Variants in MYO16 observed in about 807,000 individuals in gnomAD.
MYO16 encodes the protein myosin XVI.
In MYO16, 94 loss-of-function variants were observed where a neutral mutation model predicts 205.3. The observed-to-expected ratio is 0.46, with a 90% CI of 0.39 to 0.54. MYO16 has a LOEUF of 0.54. MYO16 is among the 20% of genes least tolerant of loss of function. MYO16 has a pLI of 0.00. For synonymous variants in MYO16, 988 were observed against 954.0 expected (o/e 1.04, Z -0.66); for missense variants, 2,315 against 2,387.5 (o/e 0.97, Z 0.63).
chr13:108,566,729 G>A, the MYO16 span, among the ~76,000 whole-genome samples: 4 of 127,616 alleles, frequency 3.1e-5, no homozygotes, highest in East Asian at 6.7e-4. Flanking sequence ...AAGGAAGGAA[G>A]GAAGGGAGGA....
At chr13:108,500,525 G>A in the MYO16 span, among the ~76,000 whole-genome samples, 1 of 151,998 alleles carries the variant, frequency 6.6e-6, no homozygotes, top group African/African-American at 2.4e-5. Context: ...ACCACGCCCG[G>A]ACTTGATTAC....
chr13:108,755,100 G>C (rs1382132687), intron 4 of MYO16, among the ~76,000 whole-genome samples: 1 of 152,064 alleles, frequency 6.6e-6, no homozygotes, highest in African/African-American at 2.4e-5. Context: ...AGCAGACATA[G>C]ACTGGGAGAG....
intron 6 of MYO16, among the ~76,000 whole-genome samples, chr13:108,805,559 TTC>T (rs1887087975): frequency 6.6e-6 from 1 of 152,144 alleles, no homozygotes; most frequent in South Asian, 2.1e-4. Flanking sequence ...AGGTTTTTTT[TTC>T]TTTCTTTTCT....
In MYO16 at chr13:108,607,827, C is replaced by T. The variant is rs112138204; in HGVS notation, c.-39+11588C>T. 5.4e-3 allele frequency among the ~76,000 whole-genome samples: 816 copies of T among 152,272 alleles called. 2 individuals carry two copies. The highest frequency in any genetic ancestry group is 9.4e-3 in the Non-Finnish European group (637 of 68,024). On this transcript the variant is annotated intron_variant, in intron 1 of 24. Transcript: ENST00000251041. ...GCCAGCCAATAACACAAGGGAGCTA[C>T]GTGCCCTGTCACCCTCTACAGTCCT...
intron 21 of MYO16, among the ~76,000 whole-genome samples, chr13:109,006,113 C>G (rs1885380030): frequency 6.6e-6 from 1 of 152,170 alleles, no homozygotes; most frequent in African/African-American, 2.4e-5. Context: ...ACCAGAACAT[C>G]TAGAAGGAGC....
At chr13:108,665,864 G>A (rs55718090) in intron 1 of MYO16, 22 bp from the exon 2 acceptor site, 64,591 of 1,606,616 alleles carry the variant, frequency 0.04, 1,498 homozygotes, top group Middle Eastern at 0.088. Flanking sequence ...GTCTGGTGAC[G>A]CTCCCCTTGC....
At chr13:108,741,144 C>T (rs895243985) in intron 4 of MYO16, among the ~76,000 whole-genome samples, 2 of 152,164 alleles carry the variant, frequency 1.3e-5, no homozygotes, top group Admixed American at 6.5e-5. Flanking sequence ...CACTGTCCTG[C>T]ACCCACCATC....
chr13:108,659,964 T>C (rs1881429952), intron 1 of MYO16, among the ~76,000 whole-genome samples: 1 of 152,208 alleles, frequency 6.6e-6, no homozygotes. Context: ...GAGCCGTGTG[T>C]GGTGGTAAAT....
chr13:108,768,040 G>T (rs767880689), intron 4 of MYO16, among the ~76,000 whole-genome samples: 13 of 152,182 alleles, frequency 8.5e-5, no homozygotes, highest in Admixed American at 2.0e-4. Flanking sequence ...GCAAATGGAA[G>T]CATAGAGTGA....
chr13:108,693,223 G>A (rs1342329636), intron 2 of MYO16, among the ~76,000 whole-genome samples: 1 of 152,102 alleles, frequency 6.6e-6, no homozygotes, highest in African/African-American at 2.4e-5. Flanking sequence ...TCTTTATGGT[G>A]GTAAAAGACA....
chr13:108,524,689 G>A, the MYO16 span, among the ~76,000 whole-genome samples: 1 of 152,030 alleles, frequency 6.6e-6, no homozygotes, highest in African/African-American at 2.4e-5. Flanking sequence ...CCTCACCAGT[G>A]GATTTTACCC....
intron 2 of MYO16, among the ~76,000 whole-genome samples, chr13:108,680,648 T>A (rs1316890065): frequency 6.6e-6 from 1 of 152,212 alleles, no homozygotes; most frequent in Non-Finnish European, 1.5e-5. Flanking sequence ...CTAGTTATTA[T>A]ACACATGGAG....
intron 12 of MYO16, among the ~76,000 whole-genome samples, chr13:108,871,997 A>G (rs1288398767): frequency 6.6e-6 from 1 of 152,236 alleles, no homozygotes; most frequent in Non-Finnish European, 1.5e-5. Flanking sequence ...AGGAGACTAC[A>G]TCTGTTTTTA....
At chr13:109,001,986 A>G (rs9514954) in intron 21 of MYO16, among the ~76,000 whole-genome samples, 7,546 of 152,276 alleles carry the variant, frequency 0.05, 241 homozygotes, top group African/African-American at 0.076. Flanking sequence ...ATACACATAT[A>G]TATTAACTAA....
intron 1 of MYO16, among the ~76,000 whole-genome samples, chr13:108,655,415 C>T (rs922673238): frequency 6.6e-6 from 1 of 152,182 alleles, no homozygotes; most frequent in South Asian, 2.1e-4. Context: ...GAACCTCCAC[C>T]TATATTTGAG....
At chr13:109,040,515 G>T (rs1487409880) in intron 23 of MYO16, among the ~76,000 whole-genome samples, 1 of 151,820 alleles carries the variant, frequency 6.6e-6, no homozygotes, top group Non-Finnish European at 1.5e-5. Context: ...GAACGGTTTT[G>T]GTTTTTGTTT....
intron 9 of MYO16, among the ~76,000 whole-genome samples, chr13:108,837,490 A>C (rs1216045887): frequency 6.6e-6 from 1 of 152,184 alleles, no homozygotes; most frequent in African/African-American, 2.4e-5. Flanking sequence ...TATTTTTGAG[A>C]TGCAGGTGAA....
chr13:108,915,471 T>G (rs1260607586), intron 16 of MYO16, among the ~76,000 whole-genome samples: 3 of 152,230 alleles, frequency 2.0e-5, no homozygotes, highest in Non-Finnish European at 4.4e-5. Context: ...TCTTCCTATA[T>G]TGACTGCTTC....
At chr13:109,165,173 A>G (rs780257860) in intron 33 of MYO16, 114 bp downstream of exon 33, 33 of 757,936 alleles carry the variant, frequency 4.4e-5, no homozygotes, top group Non-Finnish European at 5.6e-5. Flanking sequence ...ACTGGAAAAT[A>G]GAATATAAAC....
Sources: gnomAD v4.1 joint callset for allele counts (sites outside exome capture counted in the v4.1 genomes callset) on GRCh38, gnomAD v4.1.1 for gene constraint, MANE v1.5 for transcripts, NCBI Gene and HGNC (gene_info 2026-07-23, HGNC 2026-07-21) for gene names.